Variants in SLC20A2 observed in about 807,000 individuals in gnomAD.
The protein encoded by SLC20A2 is solute carrier family 20 member 2.
A neutral mutation model predicts 61.0 loss-of-function variants in SLC20A2; 30 were observed. That is an observed-to-expected ratio of 0.49 (90% CI 0.37 to 0.67). The LOEUF is 0.67. Ranked by LOEUF, SLC20A2 falls within the 30% of genes least tolerant of loss-of-function variation. SLC20A2 has a pLI of 0.00. For synonymous variants in SLC20A2, 351 were observed against 353.3 expected, an observed-to-expected ratio of 0.99 and a Z score of 0.07; for missense variants, 626 against 866.4, an observed-to-expected ratio of 0.72 and a Z score of 3.48.
At chr8:42,477,280 A>G (rs1808195605) in intron 1 of SLC20A2, among the ~76,000 whole-genome samples, 1 of 152,140 alleles carries the variant, frequency 6.6e-6, no homozygotes, top group Admixed American at 6.5e-5. Context: ...CACAGGAAGA[A>G]TAACAAATGA....
At chr8:42,500,345 G>C (rs777052107) in intron 1 of SLC20A2, among the ~76,000 whole-genome samples, 13 of 152,108 alleles carry the variant, frequency 8.5e-5, no homozygotes, top group Non-Finnish European at 1.8e-4. Flanking sequence ...GTTTTCTTCA[G>C]TACAAATTTA....
intron 1 of SLC20A2, among the ~76,000 whole-genome samples, chr8:42,516,041 A>G (rs1232808049): frequency 6.6e-6 from 1 of 152,332 alleles, no homozygotes; most frequent in African/African-American, 2.4e-5. Flanking sequence ...CTGAAGCCAT[A>G]GCGAGGGCAG....
At chr8:42,418,032 C>T (rs1585967661) in intron 10 of SLC20A2, 65 bp from the exon 11 acceptor site, 2 of 1,376,988 alleles carry the variant, frequency 1.5e-6, no homozygotes, top group Non-Finnish European at 2.0e-6. Context: ...TACCAATGTA[C>T]ATGGGCTAAT....
At chr8:42,530,102 C>T (rs1377566923) in intron 1 of SLC20A2, among the ~76,000 whole-genome samples, 1 of 151,798 alleles carries the variant, frequency 6.6e-6, no homozygotes, top group Non-Finnish European at 1.5e-5. Context: ...TTTTCCAAGC[C>T]AAACAACCTG....
At chr8:42,436,714 ACCT>A (rs1804289327) in intron 8 of SLC20A2, among the ~76,000 whole-genome samples, 1 of 151,568 alleles carries the variant, frequency 6.6e-6, no homozygotes, top group African/African-American at 2.4e-5. Flanking sequence ...CCGCCCCTGC[ACCT>A]CCGTCACCGG....
intron 6 of SLC20A2, among the ~76,000 whole-genome samples, chr8:42,439,881 T>C (rs1804634860): frequency 6.6e-6 from 1 of 151,982 alleles, no homozygotes; most frequent in East Asian, 1.9e-4. Flanking sequence ...GGTCAGGAGT[T>C]TGAGACCAGC....
At chr8:42,475,731 C>T (rs1446189514) in intron 1 of SLC20A2, among the ~76,000 whole-genome samples, 1 of 151,742 alleles carries the variant, frequency 6.6e-6, no homozygotes, top group African/African-American at 2.4e-5. Context: ...CTTCTGGCTG[C>T]AGTGTGGCGA....
chr8:42,500,178 G>A (rs1810231393), intron 1 of SLC20A2, among the ~76,000 whole-genome samples: 1 of 152,192 alleles, frequency 6.6e-6, no homozygotes. Flanking sequence ...TATTCCTAAA[G>A]CTGATACATT....
At chr8:42,482,503 T>C (rs780509540) in intron 1 of SLC20A2, among the ~76,000 whole-genome samples, 1 of 152,156 alleles carries the variant, frequency 6.6e-6, no homozygotes, top group African/African-American at 2.4e-5. Context: ...GGTTCATCCC[T>C]GCAATCCCGT....
intron 4 of SLC20A2, among the ~76,000 whole-genome samples, chr8:42,461,146 A>C (rs1298895950): frequency 1.3e-5 from 2 of 152,280 alleles, no homozygotes; most frequent in East Asian, 1.9e-4. Flanking sequence ...AATGAGACTC[A>C]AGTGTGGGAG....
chr8:42,456,195 T>A (rs1194559095), intron 5 of SLC20A2, among the ~76,000 whole-genome samples: 2 of 152,260 alleles, frequency 1.3e-5, no homozygotes, highest in Admixed American at 6.5e-5. Context: ...AAATCGTAAT[T>A]GTCTTCTGAC....
intron 1 of SLC20A2, among the ~76,000 whole-genome samples, chr8:42,527,098 T>A (rs2131419335): frequency 7.0e-6 from 1 of 142,792 alleles, no homozygotes; most frequent in South Asian, 2.3e-4. Context: ...AGTAAGAGCC[T>A]GTCTCAAAAA....
chr8:42,438,068 A>C lies in SLC20A2; in HGVS notation c.935-491T>G, dbSNP rs868434264. On this transcript the variant is annotated intron_variant, in intron 7 of 10. Coordinates refer to ENST00000520262, the MANE Select transcript of SLC20A2 (RefSeq NM_001257180.2). ...TTACCACTAAAAAAAAAAACCAAAAAAAAAAAAAAAAAAAAAAAAAACATG... is the reference window on the plus strand; with the variant it reads ...TTACCACTAAAAAAAAAAACCAAAACAAAAAAAAAAAAAAAAAAAAACATG... Among the ~76,000 whole-genome samples, 525 of 147,150 alleles carry C rather than the reference A, an allele frequency of 3.6e-3. 23 individuals are homozygous for C. The East Asian group carries it at 0.043, about 12-fold the overall frequency.
In SLC20A2 at chr8:42,437,199, T is replaced by C; in HGVS notation, c.1313A>G (p.Asn438Ser). ...CTCGATCTCCGCCTCTGCCACCGCGTTACAGTAGCTCGAGTAGCTGTCGTA... is the reference window on the plus strand; with the variant it reads ...CTCGATCTCCGCCTCTGCCACCGCGCTACAGTAGCTCGAGTAGCTGTCGTA... ...LRYDSYSSYCNAVAEAEIEAE... is the reference protein window; with the variant it reads ...LRYDSYSSYCSAVAEAEIEAE... Residue 438 changes from asparagine (N) to serine (S), a missense_variant, in exon 8 of 11, where the codon AAC (asparagine) becomes AGC (serine). By Grantham distance (46) the Asn-to-Ser change is conservative. This residue lies in a region of SLC20A2 where 361 missense variants were observed against 422.3 expected (regional missense o/e 0.85). Transcript: ENST00000520262. This position sits in a 1 kb window ranked among gnomAD's most constrained non-coding sequence, Gnocchi z 6.4. The C allele has an allele frequency of 6.2e-7, 1 of 1,613,740 alleles. No individual in the cohort carries two copies. The highest frequency in any genetic ancestry group is 8.5e-7 in the Non-Finnish European group (1 of 1,180,026).
chr8:42,433,973 TG>T (rs1174802270), intron 8 of SLC20A2, among the ~76,000 whole-genome samples: 1 of 152,236 alleles, frequency 6.6e-6, no homozygotes, highest in Non-Finnish European at 1.5e-5. Flanking sequence ...CCCCCACTAA[TG>T]GTGCACAGGG....
intron 5 of SLC20A2, among the ~76,000 whole-genome samples, chr8:42,458,946 C>CCG (rs1044356702): frequency 1.4e-5 from 2 of 139,666 alleles, no homozygotes; most frequent in African/African-American, 5.3e-5. Context: ...TTTAACCCCC[C>CCG]CCCCCACAAA....
At chr8:42,456,131 A>G (rs952448181) in intron 5 of SLC20A2, among the ~76,000 whole-genome samples, 1 of 152,178 alleles carries the variant, frequency 6.6e-6, no homozygotes, top group Non-Finnish European at 1.5e-5. Flanking sequence ...AAGATGGGGG[A>G]AAGAAGAGAT....
intron 1 of SLC20A2, among the ~76,000 whole-genome samples, chr8:42,532,250 C>A (rs1298874837): frequency 6.6e-6 from 1 of 152,032 alleles, no homozygotes; most frequent in African/African-American, 2.4e-5. Context: ...TTTCAGGGAC[C>A]GTTTATCTAA....
rs116688896 is a variant in SLC20A2, at chr8:42,458,978, A to G, written c.613+918T>C. Among the ~76,000 whole-genome samples the G allele has an allele frequency of 4.1e-3, 569 of 137,248 alleles. 3 individuals are homozygous for G. Among genetic ancestry groups the G allele is most frequent in the African/African-American group, 0.015 (548 of 37,022 alleles). 90.0% of individuals were successfully genotyped at this position (137,248 alleles called of 152,430 possible). On this transcript the variant is annotated intron_variant, in intron 5 of 10. Transcript: ENST00000520262. ...CAAAAAACCTCTGAACCTTTATACAAAAGAACAAAAGCGGCCAGGCGCAGT... is the reference window on the plus strand; with the variant it reads ...CAAAAAACCTCTGAACCTTTATACAGAAGAACAAAAGCGGCCAGGCGCAGT...
Sources: gnomAD v4.1 joint callset for allele counts (sites outside exome capture counted in the v4.1 genomes callset) on GRCh38, gnomAD v4.1.1 for gene constraint, gnomAD v4.1.1 regional missense constraint, Gnocchi (gnomAD v3.1) non-coding constraint, MANE v1.5 for transcripts, NCBI Gene and HGNC (gene_info 2026-07-23, HGNC 2026-07-21) for gene names.